The following CHMP7 variants were observed in gnomAD, a reference collection of about 807,000 sequenced individuals.
CHMP7 encodes CHMP family, member 7.
A neutral mutation model predicts 53.7 loss-of-function variants in CHMP7; 15 were observed. That is an observed-to-expected ratio of 0.28 (90% CI 0.19 to 0.43). The LOEUF is 0.43. CHMP7 is among the 20% of genes least tolerant of loss of function. The pLI, the probability that CHMP7 is intolerant of heterozygous loss-of-function variation, is 1.00. For synonymous variants in CHMP7, 261 were observed against 228.0 expected (o/e 1.14, Z -1.30); for missense variants, 527 against 569.4 (o/e 0.93, Z 0.76).
intron 5 of CHMP7, among the ~76,000 whole-genome samples, chr8:23,257,774 T>C (rs1030492833): frequency 2.0e-5 from 3 of 152,242 alleles, no homozygotes; most frequent in African/African-American, 7.2e-5. Flanking sequence ...ATGTGTATAA[T>C]GTGCCCTGTT....
rs372000010 is a variant in CHMP7, at chr8:23,254,380, T to C, written c.472-867T>C. Among the ~76,000 whole-genome samples, 8 of 152,230 alleles carry C rather than the reference T, an allele frequency of 5.3e-5. No individual in the cohort carries two copies. In the East Asian group the frequency reaches 1.4e-3, roughly 26 times the overall value. On this transcript the variant is annotated intron_variant, in intron 3 of 10. Transcript: ENST00000397677. ...TATCCCATCTGTTTATTATGTACTT[T>C]TCTTTGTTTTTTGTTTTGTTTTGTT...
intron 3 of CHMP7, among the ~76,000 whole-genome samples, chr8:23,253,892 A>T (rs532907574): frequency 8.1e-4 from 124 of 152,174 alleles, no homozygotes; most frequent in Admixed American, 1.6e-3. Flanking sequence ...TCTACAATCC[A>T]TCGTCTCCCA....
intron 3 of CHMP7, among the ~76,000 whole-genome samples, chr8:23,250,649 TG>T (rs2128857697): frequency 7.4e-6 from 1 of 134,332 alleles, no homozygotes; most frequent in South Asian, 2.3e-4. Context: ...TGTGTGTGTG[TG>T]TGTGTGTGTG....
chr8:23,246,334 C>A lies in CHMP7; in HGVS notation c.-362C>A. The A allele has an allele frequency of 4.2e-6, 1 of 235,780 alleles. No individual in the cohort carries two copies. Among genetic ancestry groups the A allele is most frequent in the East Asian group, 1.0e-4 (1 of 9,958 alleles). 14.6% of individuals were successfully genotyped at this position (235,780 alleles called of 1,614,324 possible). The stretch of plus-strand genomic sequence containing the variant: ...TATTCCCCAGTTCCATTTTCTGAAG[C>A]CACAGGTCAGAAGCCGCTGTACAAC... On this transcript the variant is annotated 5_prime_UTR_variant, in exon 2 of 11. Transcript: ENST00000397677.
intron 7 of CHMP7, 26 bp downstream of exon 7, chr8:23,258,475 C>T (rs1385433857): frequency 6.2e-7 from 1 of 1,613,212 alleles, no homozygotes; most frequent in African/African-American, 1.3e-5. Flanking sequence ...TACTCCAGCA[C>T]TTGGCTGGTC....
At chr8:23,259,982 C>G (rs1802315961) in intron 9 of CHMP7, 162 bp from the exon 10 acceptor site, 1 of 608,372 alleles carries the variant, frequency 1.6e-6, no homozygotes, top group Non-Finnish European at 2.9e-6. Flanking sequence ...AGAATCATCT[C>G]TGCTTGAAGC....
At chr8:23,247,210 TG>T (rs1373907173) in intron 2 of CHMP7, among the ~76,000 whole-genome samples, 1 of 76,116 alleles carries the variant, frequency 1.3e-5, no homozygotes, top group African/African-American at 5.2e-5. Context: ...GGGGGAAGAT[TG>T]GGGGGCGGGG....
intron 4 of CHMP7, 43 bp downstream of exon 4, chr8:23,255,475 G>T: frequency 6.3e-7 from 1 of 1,585,500 alleles, no homozygotes; most frequent in South Asian, 1.1e-5. Context: ...AGCAGTGATT[G>T]ATTAAGTACA....
intron 3 of CHMP7, among the ~76,000 whole-genome samples, chr8:23,249,589 G>A (rs1314518276): frequency 1.3e-5 from 2 of 152,108 alleles, no homozygotes; most frequent in East Asian, 1.9e-4. Flanking sequence ...CCTTTGTGTC[G>A]GAATTTTCAG....
chr8:23,249,607 T>C (rs556839710), intron 3 of CHMP7, among the ~76,000 whole-genome samples: 6 of 152,166 alleles, frequency 3.9e-5, no homozygotes, highest in Non-Finnish European at 7.4e-5. Flanking sequence ...CAGTTAACAG[T>C]GGATTATTTT....
At chr8:23,254,187 T>C (rs1341676294) in intron 3 of CHMP7, among the ~76,000 whole-genome samples, 5 of 150,450 alleles carry the variant, frequency 3.3e-5, no homozygotes, top group African/African-American at 7.4e-5. Context: ...CTGCTCAACT[T>C]TTTTTTTTTT....
intron 4 of CHMP7, among the ~76,000 whole-genome samples, chr8:23,256,002 T>C (rs956208339): frequency 3.9e-5 from 6 of 152,150 alleles, no homozygotes; most frequent in Middle Eastern, 3.4e-3. Context: ...TCAAGTGATC[T>C]GCCTGCCTCG....
chr8:23,250,395 G>T (rs1272203065), intron 3 of CHMP7, among the ~76,000 whole-genome samples: 1 of 152,036 alleles, frequency 6.6e-6, no homozygotes, highest in Non-Finnish European at 1.5e-5. Flanking sequence ...CTCTTGCCTG[G>T]TATGTTCCAT....
intron 1 of CHMP7, among the ~76,000 whole-genome samples, chr8:23,244,134 AAATAAT>A (rs1221948791): frequency 2.0e-5 from 3 of 151,760 alleles, no homozygotes; most frequent in East Asian, 1.9e-4. Context: ...TTCAGAAAGC[AAATAAT>A]AATAATAATA....
chr8:23,256,866 C>G (rs1175724845), intron 5 of CHMP7, among the ~76,000 whole-genome samples: 1 of 145,930 alleles, frequency 6.9e-6, no homozygotes, highest in Non-Finnish European at 1.5e-5. Flanking sequence ...GATCTCGGCT[C>G]ACTGCAAGCT....
chr8:23,247,078 A>T, intron 2 of CHMP7, 84 bp downstream of exon 2: 1 of 1,316,496 alleles, frequency 7.6e-7, no homozygotes. Context: ...TTCTCTGCAC[A>T]GCGCACTGCG....
intron 5 of CHMP7, among the ~76,000 whole-genome samples, chr8:23,257,533 A>G (rs574938580): frequency 8.9e-4 from 135 of 152,362 alleles, no homozygotes; most frequent in Non-Finnish European, 1.6e-3. Context: ...AGCCGTGGAC[A>G]AGACAGGTCC....
At chr8:23,247,586 G>C (rs1382374451) in intron 2 of CHMP7, among the ~76,000 whole-genome samples, 1 of 152,144 alleles carries the variant, frequency 6.6e-6, no homozygotes, top group Non-Finnish European at 1.5e-5. Context: ...GTGCAGTTTT[G>C]GCGGTATCTG....
chr8:23,255,152 G>C (rs1330250859), intron 3 of CHMP7, 95 bp from the exon 4 acceptor site: 2 of 1,313,372 alleles, frequency 1.5e-6, no homozygotes, highest in South Asian at 2.5e-5. Context: ...CCGGGTGCTT[G>C]CCTTGTGTGA....
Sources: allele counts gnomAD v4.1 joint callset (sites outside exome capture counted in the v4.1 genomes callset), GRCh38; gene constraint gnomAD v4.1.1; transcripts MANE v1.5; gene names NCBI Gene and HGNC (gene_info 2026-07-23, HGNC 2026-07-21).